Variants in CCDC91 observed in about 807,000 individuals in gnomAD.
CCDC91 encodes the protein coiled-coil domain containing 91, also known as coiled-coil domain-containing protein 91.
Under a neutral mutation model 63.2 loss-of-function variants are expected in CCDC91, and 48 were observed. The observed-to-expected ratio is 0.76, with a 90% CI of 0.60 to 0.97. The LOEUF (loss-of-function observed/expected upper bound fraction) is 0.97, where lower values mean the gene tolerates loss of function less well. CCDC91 is among the 50% of genes least tolerant of loss of function. The probability of loss-of-function intolerance (pLI) is 0.00; values close to 1 mark genes in which losing one functional copy is unlikely to be tolerated. For synonymous variants in CCDC91, 167 were observed against 165.8 expected (o/e 1.01, Z -0.06); for missense variants, 500 against 494.6 (o/e 1.01, Z -0.10).
At chr12:28,544,522 T>G (rs1338499831) in intron 12 of CCDC91, among the ~76,000 whole-genome samples, 1 of 152,024 alleles carries the variant, frequency 6.6e-6, no homozygotes, top group Non-Finnish European at 1.5e-5. Context: ...TTGATAAAGG[T>G]AGATGTAACA....
At chr12:28,268,642 C>T (rs763246137) in intron 3 of CCDC91, 60 of 984,920 alleles carry the variant, frequency 6.1e-5, no homozygotes, top group Non-Finnish European at 6.7e-5. Flanking sequence ...GGCCACAGAG[C>T]TATATCCAGG....
At chr12:28,413,365 T>G (rs980406256) in intron 8 of CCDC91, among the ~76,000 whole-genome samples, 1 of 152,180 alleles carries the variant, frequency 6.6e-6, no homozygotes, top group South Asian at 2.1e-4. Context: ...CCTAGCTGCT[T>G]CTTGCCTCTT....
chr12:28,524,865 T>C (rs1304278577), intron 12 of CCDC91, among the ~76,000 whole-genome samples: 1 of 152,150 alleles, frequency 6.6e-6, no homozygotes, highest in East Asian at 1.9e-4. Context: ...CTCCTCTAGG[T>C]TTTCTGGTTT....
chr12:28,307,600 A>T, intron 5 of CCDC91, 45 bp from the exon 6 acceptor site: 1 of 984,300 alleles, frequency 1.0e-6, no homozygotes, highest in African/African-American at 1.7e-5. Context: ...ATTATATTTT[A>T]TGCCATTAAA....
chr12:28,360,854 G>A (rs1264440564), intron 6 of CCDC91, among the ~76,000 whole-genome samples: 1 of 151,828 alleles, frequency 6.6e-6, no homozygotes, highest in Non-Finnish European at 1.5e-5. Context: ...CACCTATTAA[G>A]CTTTCTGTGT....
rs753854512 is a variant in CCDC91 at position 28,306,730 on chromosome 12, T to A, written c.268-12T>A. On this transcript the variant is annotated splice_polypyrimidine_tract_variant and intron_variant, in intron 4 of 12. Transcript: ENST00000536442. ...TTCCTCTCTTGTGTATTTTTTTTTT[T>A]ATGTGGTTTAGATTCAGCAATCAAC... The A allele has an allele frequency of 6.9e-5, 108 of 1,566,036 alleles. No homozygotes were observed. Among genetic ancestry groups the A allele is most frequent in the Non-Finnish European group, 8.2e-5 (95 of 1,153,162 alleles).
intron 8 of CCDC91, among the ~76,000 whole-genome samples, chr12:28,438,541 A>G (rs1949024815): frequency 6.6e-6 from 1 of 152,072 alleles, no homozygotes; most frequent in Admixed American, 6.5e-5. Flanking sequence ...GCACAAATGG[A>G]CTAAGATACT....
At chr12:28,277,014 T>C (rs1215650447) in intron 3 of CCDC91, among the ~76,000 whole-genome samples, 1 of 151,982 alleles carries the variant, frequency 6.6e-6, no homozygotes, top group Non-Finnish European at 1.5e-5. Flanking sequence ...TCAGTTTTCC[T>C]AAAGGCTAAT....
At chr12:28,225,762 C>T (rs113296942) in intron 1 of CCDC91, 1 of 152,274 alleles carries the variant, frequency 6.6e-6, no homozygotes, top group Non-Finnish European at 1.5e-5. Flanking sequence ...CAGCCTCCCA[C>T]TACCTTTCTA....
intron 6 of CCDC91, among the ~76,000 whole-genome samples, chr12:28,343,859 C>T (rs1942615427): frequency 6.6e-6 from 1 of 152,080 alleles, no homozygotes; most frequent in Admixed American, 6.5e-5. Flanking sequence ...TTGACAGACA[C>T]TATGCATTAT....
intron 3 of CCDC91, among the ~76,000 whole-genome samples, chr12:28,267,680 GTTATATAAATTAT>G (rs1224748162): frequency 8.9e-6 from 1 of 111,752 alleles, no homozygotes; most frequent in Admixed American, 1.3e-4. Context: ...TATATTATAT[GTTATATAAATTAT>G]TTATTATATA....
At chr12:28,199,786 G>T (rs150586759) in intron 1 of CCDC91, among the ~76,000 whole-genome samples, 3 of 152,168 alleles carry the variant, frequency 2.0e-5, no homozygotes, top group Non-Finnish European at 4.4e-5. Flanking sequence ...GGCCTCCGTG[G>T]TTTTTAGTGA....
intron 1 of CCDC91, among the ~76,000 whole-genome samples, chr12:28,246,385 A>G (rs559141810): frequency 2.0e-5 from 3 of 152,102 alleles, no homozygotes; most frequent in African/African-American, 7.2e-5. Context: ...ACTTTTCTCT[A>G]TTATTTGTTG....
intron 12 of CCDC91, among the ~76,000 whole-genome samples, chr12:28,499,644 T>G (rs1290630967): frequency 1.3e-5 from 2 of 152,102 alleles, no homozygotes; most frequent in Non-Finnish European, 2.9e-5. Flanking sequence ...GGTTTCCAGC[T>G]TCATCCATGT....
intron 1 of CCDC91, among the ~76,000 whole-genome samples, chr12:28,248,363 GA>G (rs1385540121): frequency 1.3e-5 from 2 of 152,168 alleles, no homozygotes; most frequent in Admixed American, 1.3e-4. Context: ...TAGAGATAGA[GA>G]TACCATAGCT....
At chr12:28,485,220 G>A (rs1170581662) in intron 12 of CCDC91, among the ~76,000 whole-genome samples, 4 of 151,372 alleles carry the variant, frequency 2.6e-5, no homozygotes, top group South Asian at 2.1e-4. Flanking sequence ...GTGCAGTGGC[G>A]CGATCTCCGC....
chr12:28,348,148 A>T (rs1942940641), intron 6 of CCDC91, among the ~76,000 whole-genome samples: 1 of 152,190 alleles, frequency 6.6e-6, no homozygotes, highest in Admixed American at 6.5e-5. Context: ...CCAAATTCAT[A>T]CAGTATCTTC....
chr12:28,480,791 G>A (rs73265440), intron 11 of CCDC91, among the ~76,000 whole-genome samples: 2,364 of 152,076 alleles, frequency 0.016, 47 homozygotes, highest in African/African-American at 0.052. Flanking sequence ...AATTCAGTTA[G>A]TTGGTGATAC....
intron 12 of CCDC91, among the ~76,000 whole-genome samples, chr12:28,491,318 C>T (rs1221078757): frequency 6.6e-6 from 1 of 151,550 alleles, no homozygotes; most frequent in Non-Finnish European, 1.5e-5. Context: ...ATCACTTGAA[C>T]CCAGGTAGAT....
Sources: allele counts gnomAD v4.1 joint callset (sites outside exome capture counted in the v4.1 genomes callset), GRCh38; gene constraint gnomAD v4.1.1; transcripts MANE v1.5; gene names NCBI Gene and HGNC (gene_info 2026-07-23, HGNC 2026-07-21).